RHOBTB1: variants seen among roughly 807,000 people sequenced by gnomAD.
The protein encoded by RHOBTB1 is Rho related BTB domain containing 1, also known as rho-related BTB domain-containing protein 1.
In RHOBTB1, 40 loss-of-function variants were observed where a neutral mutation model predicts 71.6. That is an observed-to-expected ratio of 0.56 (90% CI 0.43 to 0.73). The LOEUF (loss-of-function observed/expected upper bound fraction) is 0.73. Ranked by LOEUF, RHOBTB1 falls within the 30% of genes least tolerant of loss-of-function variation. RHOBTB1 has a pLI of 0.00. For synonymous variants in RHOBTB1, 319 were observed against 334.9 expected (o/e 0.95, Z 0.52); for missense variants, 797 against 894.0 (o/e 0.89, Z 1.38).
chr10:60,986,404 GATAT>G (rs34154360), intron 1 of RHOBTB1, among the ~76,000 whole-genome samples: 4,930 of 67,616 alleles, frequency 0.073, 241 homozygotes, highest in African/African-American at 0.14. Flanking sequence ...ATAAATAAAA[GATAT>G]ATATATATAT....
chr10:60,881,004 C>T (rs1305817177), intron 7 of RHOBTB1, among the ~76,000 whole-genome samples: 6 of 145,368 alleles, frequency 4.1e-5, no homozygotes, highest in African/African-American at 1.0e-4. Flanking sequence ...TGAATTATAG[C>T]TCCCATAATT....
intron 4 of RHOBTB1, among the ~76,000 whole-genome samples, chr10:60,897,642 C>T (rs2082221900): frequency 6.6e-6 from 1 of 152,190 alleles, no homozygotes; most frequent in South Asian, 2.1e-4. Flanking sequence ...TTGTCTGAGT[C>T]TGGTTGGGTC....
chr10:60,914,322 A>G (rs2083155732), intron 2 of RHOBTB1, among the ~76,000 whole-genome samples: 1 of 152,166 alleles, frequency 6.6e-6, no homozygotes, highest in Non-Finnish European at 1.5e-5. Flanking sequence ...ACCCTCTTCG[A>G]CAAGTTTCTG....
chr10:60,928,888 A>G (rs750408526), intron 2 of RHOBTB1, among the ~76,000 whole-genome samples: 1 of 152,188 alleles, frequency 6.6e-6, no homozygotes, highest in Non-Finnish European at 1.5e-5. Context: ...GGTAATTTAT[A>G]AAGAAAAGAG....
intron 2 of RHOBTB1, among the ~76,000 whole-genome samples, chr10:60,981,250 G>A (rs1481928149): frequency 6.6e-6 from 1 of 152,050 alleles, no homozygotes; most frequent in African/African-American, 2.4e-5. Context: ...AGAACTCCAA[G>A]GCAATGCGAG....
At chr10:60,871,698 C>T in intron 10 of RHOBTB1, 47 bp from the exon 11 acceptor site, 2 of 1,560,934 alleles carry the variant, frequency 1.3e-6, no homozygotes, top group South Asian at 1.1e-5. Flanking sequence ...TTCATTGATG[C>T]CTTTTATGTG....
chr10:60,934,866 T>C (rs1801115251), intron 2 of RHOBTB1, among the ~76,000 whole-genome samples: 1 of 152,172 alleles, frequency 6.6e-6, no homozygotes, highest in South Asian at 2.1e-4. Context: ...TGGAAGCACA[T>C]GGGCTTCATT....
rs376586969 is a variant in RHOBTB1 at position 60,888,250 on chromosome 10, T to C, written c.1418A>G (p.Asn473Ser). 1.9e-6 allele frequency: 3 copies of C among 1,613,956 alleles called. No homozygotes were observed. The highest frequency in any genetic ancestry group is 2.2e-5 in the South Asian group (2 of 91,056). The change falls in exon 6 of 11, where the codon AAT (asparagine) becomes AGT (serine). Residue 473 changes from asparagine (N) to serine (S), a missense_variant. By Grantham distance (46) the Asn-to-Ser change is conservative. Coordinates refer to ENST00000337910, the MANE Select transcript of RHOBTB1 (RefSeq NM_014836.5). ...CTTGCTGAGACACTCTTTTATCCGA[T>C]TGGCTTTCCTTACGTGAAAGGCTTT... Reference protein sequence around the residue: ...ITKAFHVRKANRIKECLSKGT... With the variant: ...ITKAFHVRKASRIKECLSKGT...
chr10:60,905,695 G>C (rs1429033977), intron 4 of RHOBTB1, among the ~76,000 whole-genome samples: 3 of 151,972 alleles, frequency 2.0e-5, no homozygotes, highest in African/African-American at 7.3e-5. Context: ...TCCACCTCCT[G>C]GTCCACTTGA....
At chr10:60,879,381 C>T (rs2081201342) in intron 7 of RHOBTB1, among the ~76,000 whole-genome samples, 1 of 152,152 alleles carries the variant, frequency 6.6e-6, no homozygotes, top group Non-Finnish European at 1.5e-5. Context: ...GGGTCTAACT[C>T]TGTTGCCCAG....
intron 2 of RHOBTB1, among the ~76,000 whole-genome samples, chr10:60,930,752 T>C (rs890929035): frequency 6.6e-6 from 1 of 152,182 alleles, no homozygotes; most frequent in African/African-American, 2.4e-5. Context: ...TCATGGCAAC[T>C]GCTCAAATCT....
intron 2 of RHOBTB1, among the ~76,000 whole-genome samples, chr10:60,976,355 G>C (rs986168249): frequency 6.6e-6 from 1 of 151,392 alleles, no homozygotes; most frequent in African/African-American, 2.4e-5. Flanking sequence ...TTATCACAGA[G>C]AGTAAGATCG....
chr10:60,892,163 C>T (rs1231702187), intron 5 of RHOBTB1, among the ~76,000 whole-genome samples: 1 of 152,126 alleles, frequency 6.6e-6, no homozygotes, highest in Non-Finnish European at 1.5e-5. Context: ...ACTAATACAC[C>T]CCACCAAAAT....
intron 2 of RHOBTB1, 129 bp downstream of exon 2, chr10:60,941,675 T>C (rs1026434320): frequency 1.3e-5 from 2 of 152,050 alleles, no homozygotes; most frequent in African/African-American, 4.8e-5. Flanking sequence ...CATAACTGAG[T>C]CCATAAAAAA....
chr10:60,911,017 G>C (rs1293319003), intron 3 of RHOBTB1, 27 bp from the exon 4 acceptor site: 17 of 1,585,694 alleles, frequency 1.1e-5, no homozygotes, highest in Non-Finnish European at 1.5e-5. Context: ...GAGCATCTGT[G>C]CTCGGTGTCA....
At chr10:60,937,816 C>T (rs2084675817) in intron 2 of RHOBTB1, among the ~76,000 whole-genome samples, 1 of 152,172 alleles carries the variant, frequency 6.6e-6, no homozygotes, top group Non-Finnish European at 1.5e-5. Flanking sequence ...AATGATACAA[C>T]TGCCTAATAT....
At chr10:60,874,123 G>A (rs931179997) in intron 9 of RHOBTB1, among the ~76,000 whole-genome samples, 5 of 152,178 alleles carry the variant, frequency 3.3e-5, no homozygotes, top group South Asian at 2.1e-4. Flanking sequence ...CTAAGACTTA[G>A]TAAGTCATTG....
chr10:60,981,932 G>C (rs2086510297), intron 2 of RHOBTB1, among the ~76,000 whole-genome samples: 1 of 151,994 alleles, frequency 6.6e-6, no homozygotes, highest in South Asian at 2.1e-4. Context: ...ACCATGCCTG[G>C]CTAATTTTTT....
chr10:60,862,457 C>T, the RHOBTB1 span, among the ~76,000 whole-genome samples: 2 of 152,122 alleles, frequency 1.3e-5, no homozygotes, highest in African/African-American at 2.4e-5. Flanking sequence ...CTCCGCCTCC[C>T]AAAGTGCTGG....
Sources: allele counts gnomAD v4.1 joint callset (sites outside exome capture counted in the v4.1 genomes callset), GRCh38; gene constraint gnomAD v4.1.1; transcripts MANE v1.5; gene names NCBI Gene and HGNC (gene_info 2026-07-23, HGNC 2026-07-21).